The following PCDH15 variants were observed in gnomAD, a reference collection of about 807,000 sequenced individuals.
PCDH15 encodes protocadherin-15.
Under a neutral mutation model 178.5 loss-of-function variants are expected in PCDH15, and 129 were observed. That is an observed-to-expected ratio of 0.72 (90% CI 0.63 to 0.84). The LOEUF (loss-of-function observed/expected upper bound fraction) is 0.84, where lower values mean the gene tolerates loss of function less well. PCDH15 is among the 40% of genes least tolerant of loss of function. The probability of loss-of-function intolerance (pLI) is 0.00; values close to 1 mark genes in which losing one functional copy is unlikely to be tolerated. For missense variants in PCDH15, 2,230 were observed against 2,099.9 expected, an observed-to-expected ratio of 1.06 and a Z score of -1.21; for synonymous variants, 800 against 732.0, an observed-to-expected ratio of 1.09 and a Z score of -1.50.
chr10:54,274,619 TG>T (rs2058245613), intron 8 of PCDH15, among the ~76,000 whole-genome samples: 2 of 32,330 alleles, frequency 6.2e-5, no homozygotes, highest in Non-Finnish European at 9.6e-5. Flanking sequence ...AGTTTAATTG[TG>T]TGTGTGTGTG....
At chr10:55,514,902 G>C (rs115812623) in intron 2 of PCDH15, among the ~76,000 whole-genome samples, 1,744 of 151,812 alleles carry the variant, frequency 0.011, 9 homozygotes, top group South Asian at 0.021. Flanking sequence ...GTGGACAATA[G>C]GACTGACAGG....
chr10:54,261,991 G>A (rs528564078), intron 8 of PCDH15, among the ~76,000 whole-genome samples: 1 of 152,148 alleles, frequency 6.6e-6, no homozygotes, highest in African/African-American at 2.4e-5. Flanking sequence ...TAGACACCAG[G>A]ACTGGCCCAT....
intron 18 of PCDH15, among the ~76,000 whole-genome samples, chr10:54,062,708 G>C (rs1327153712): frequency 6.6e-6 from 1 of 150,884 alleles, no homozygotes; most frequent in East Asian, 1.9e-4. Flanking sequence ...TCAAATTTAA[G>C]AACCAGGAGA....
At chr10:54,689,342 A>G (rs544778421) in intron 1 of PCDH15, among the ~76,000 whole-genome samples, 1 of 152,296 alleles carries the variant, frequency 6.6e-6, no homozygotes, top group African/African-American at 2.4e-5. Context: ...TATGGTAACT[A>G]CCAAAGTCAA....
intron 1 of PCDH15, among the ~76,000 whole-genome samples, chr10:55,204,439 G>T (rs1442038853): frequency 6.6e-6 from 1 of 151,732 alleles, no homozygotes; most frequent in East Asian, 1.9e-4. Flanking sequence ...CATAGTTATT[G>T]GTAGTTTGGA....
chr10:54,288,216 A>T (rs1207618409), intron 8 of PCDH15, among the ~76,000 whole-genome samples: 1 of 152,082 alleles, frequency 6.6e-6, no homozygotes, highest in Non-Finnish European at 1.5e-5. Flanking sequence ...GCTACTTGGG[A>T]GGCTGAGGCA....
chr10:54,838,244 C>T (rs1433169241), intron 3 of PCDH15, among the ~76,000 whole-genome samples: 1 of 152,044 alleles, frequency 6.6e-6, no homozygotes, highest in Non-Finnish European at 1.5e-5. Context: ...ATTGTAATCA[C>T]CATAATCCCC....
At chr10:55,231,141 T>C (rs1377053859) in intron 1 of PCDH15, among the ~76,000 whole-genome samples, 2 of 151,940 alleles carry the variant, frequency 1.3e-5, no homozygotes, top group African/African-American at 4.8e-5. Flanking sequence ...AAATATGGTG[T>C]TTTAGCACAT....
rs539302384 is a variant in PCDH15 at position 54,849,483 on chromosome 10, C to T, written c.-29+47967G>A. ...ACCCATGCACCTACTGCTAAGTCGGCACTCATCTCCAGGTTGTTCTGCCCT... is the reference window on the plus strand; with the variant it reads ...ACCCATGCACCTACTGCTAAGTCGGTACTCATCTCCAGGTTGTTCTGCCCT... On this transcript the variant is annotated intron_variant, in intron 3 of 5. Coordinates refer to the PCDH15 transcript ENST00000458638. 3.3e-5 allele frequency among the ~76,000 whole-genome samples: 5 copies of T among 152,294 alleles called. No homozygotes were observed. The East Asian group carries it at 7.7e-4, about 24-fold the overall frequency.
At chr10:54,655,222 G>C (rs2094353011) in intron 2 of PCDH15, among the ~76,000 whole-genome samples, 1 of 139,586 alleles carries the variant, frequency 7.2e-6, no homozygotes, top group Non-Finnish European at 1.5e-5. Context: ...AAAAGGAAGG[G>C]AGGAAGGGAG....
At chr10:54,078,296 A>T (rs1015984366) in intron 17 of PCDH15, among the ~76,000 whole-genome samples, 3 of 152,066 alleles carry the variant, frequency 2.0e-5, no homozygotes, top group African/African-American at 7.2e-5. Flanking sequence ...TCTCACTTTT[A>T]GTTAAGATGA....
intron 2 of PCDH15, among the ~76,000 whole-genome samples, chr10:55,125,446 C>G (rs976754423): frequency 1.3e-5 from 2 of 151,996 alleles, no homozygotes; most frequent in Admixed American, 6.6e-5. Context: ...CTCTAATGAC[C>G]TGTAAAGTCT....
intron 27 of PCDH15, among the ~76,000 whole-genome samples, chr10:53,863,364 T>C (rs1429301789): frequency 6.6e-6 from 1 of 151,932 alleles, no homozygotes; most frequent in African/African-American, 2.4e-5. Context: ...CAAGGGAGTA[T>C]GGTGGGTGGT....
chr10:54,764,355 A>G (rs532444465), intron 1 of PCDH15, among the ~76,000 whole-genome samples: 9 of 152,236 alleles, frequency 5.9e-5, no homozygotes, highest in African/African-American at 2.2e-4. Context: ...AATCTATTAC[A>G]AAACCTAGAG....
rs192820538 is a variant in PCDH15 at position 54,535,791 on chromosome 10, G to A, written c.92-7914C>T. 3.1e-4 allele frequency among the ~76,000 whole-genome samples: 47 copies of A among 150,874 alleles called. 1 individual carries two copies. The East Asian group carries it at 8.4e-3, about 27-fold the overall frequency. On this transcript the variant is annotated intron_variant, in intron 2 of 37. Transcript: ENST00000644397. ...AGGCAGAATATGAAATAAATTGTCAGTAGAAGGCTGCTCCAAAGATGAAGT... is the reference window on the plus strand; with the variant it reads ...AGGCAGAATATGAAATAAATTGTCAATAGAAGGCTGCTCCAAAGATGAAGT...
At chr10:54,316,668 A>T (rs892107843) in intron 8 of PCDH15, among the ~76,000 whole-genome samples, 24 of 152,094 alleles carry the variant, frequency 1.6e-4, no homozygotes, top group Non-Finnish European at 2.8e-4. Context: ...TACATCAATC[A>T]TCTGGGGAGG....
At chr10:54,232,829 G>C (rs1591323512) in intron 9 of PCDH15, among the ~76,000 whole-genome samples, 1 of 150,554 alleles carries the variant, frequency 6.6e-6, no homozygotes. Context: ...AATTGATTTT[G>C]GCTTCATTTA....
intron 1 of PCDH15, among the ~76,000 whole-genome samples, chr10:54,736,187 G>A (rs555615650): frequency 6.6e-6 from 1 of 152,066 alleles, no homozygotes; most frequent in South Asian, 2.1e-4. Context: ...ATAGACAACA[G>A]TATCATCACA....
intron 2 of PCDH15, among the ~76,000 whole-genome samples, chr10:55,442,651 C>CA (rs541517634): frequency 1.1e-4 from 16 of 148,054 alleles, no homozygotes; most frequent in African/African-American, 2.5e-4. Context: ...TTAATTAAGC[C>CA]AAAAAAAAGA....
Sources: allele counts gnomAD v4.1 joint callset (sites outside exome capture counted in the v4.1 genomes callset), GRCh38; gene constraint gnomAD v4.1.1; transcripts MANE v1.5; gene names NCBI Gene and HGNC (gene_info 2026-07-23, HGNC 2026-07-21).